Variants in ABHD2 observed in about 807,000 individuals in gnomAD.
ABHD2 encodes the protein monoacylglycerol lipase ABHD2.
In ABHD2, 20 loss-of-function variants were observed where a neutral mutation model predicts 48.1. The ratio of observed to expected loss-of-function variants is 0.42; its 90% CI spans 0.29 to 0.60. ABHD2 has a LOEUF of 0.60. Ranked by LOEUF, ABHD2 falls within the 20% of genes least tolerant of loss-of-function variation. ABHD2 has a pLI of 0.24. For synonymous variants in ABHD2, 209 were observed against 214.2 expected (o/e 0.98, Z 0.21); for missense variants, 405 against 550.9 (o/e 0.74, Z 2.65).
In ABHD2 at chr15:89,179,415, G is replaced by A. The variant is rs560097446; in HGVS notation, c.722+3420G>A. On this transcript the variant is annotated intron_variant, in intron 6 of 10. Coordinates refer to ENST00000352732, the MANE Select transcript of ABHD2 (RefSeq NM_152924.5). This position sits in a 1 kb window ranked among gnomAD's most constrained non-coding sequence, Gnocchi z 4.3. ...CAGCAGTGACATTAGATTCTCATAG[G>A]AGGATGAACCTTATTGTGAACTGCG... Among the ~76,000 whole-genome samples the A allele has an allele frequency of 2.6e-5, 4 of 152,316 alleles. No homozygotes were observed. The East Asian group carries it at 7.7e-4, about 29-fold the overall frequency.
At chr15:89,183,987 G>A (rs1189582101) in intron 6 of ABHD2, among the ~76,000 whole-genome samples, 5 of 152,094 alleles carry the variant, frequency 3.3e-5, no homozygotes, top group African/African-American at 4.8e-5. Flanking sequence ...CTTTAGCCGG[G>A]GTCCCTCATG....
intron 5 of ABHD2, among the ~76,000 whole-genome samples, chr15:89,157,608 C>G (rs912872354): frequency 3.3e-5 from 5 of 152,144 alleles, no homozygotes; most frequent in African/African-American, 1.2e-4. Context: ...CTTTGGGAGG[C>G]CAAGGCAGGC....
At position 89,092,827 on chromosome 15, in the gene ABHD2, C is replaced by T. The variant is rs898426418; in HGVS notation, c.-107+4264C>T. Among the ~76,000 whole-genome samples, 14 of 152,108 alleles carry T rather than the reference C, an allele frequency of 9.2e-5. No homozygotes were observed. The highest frequency in any genetic ancestry group is 3.4e-4 in the African/African-American group (14 of 41,414). ...CTTCCACGTCATTTTTTATGAAGGC[C>T]GTCTATTTTAGATATCTGTTTTCTG... On this transcript the variant is annotated intron_variant, in intron 1 of 10. Transcript: ENST00000352732. This position sits in a 1 kb window ranked among gnomAD's most constrained non-coding sequence, Gnocchi z 4.4.
At chr15:89,161,844 G>C (rs971782581) in intron 5 of ABHD2, among the ~76,000 whole-genome samples, 1 of 152,224 alleles carries the variant, frequency 6.6e-6, no homozygotes, top group South Asian at 2.1e-4. Context: ...CACAGTGGGC[G>C]TGGCTTATAC....
chr15:89,045,086 G>T, the ABHD2 span, among the ~76,000 whole-genome samples: 2 of 152,178 alleles, frequency 1.3e-5, no homozygotes, highest in African/African-American at 2.4e-5. Flanking sequence ...TTTGTATAAG[G>T]TGTAAGGAAG....
Position 89,185,953 on chromosome 15 carries a change from C to T in ABHD2, c.815+437C>T, listed in dbSNP as rs750126569. On this transcript the variant is annotated intron_variant, in intron 7 of 10. Transcript: ENST00000352732. The surrounding 1 kb of genome is among the most constrained non-coding windows in gnomAD (Gnocchi z 5.9). Reference sequence around the variant, plus strand: ...ATGCACCCCAGCCTGGGTGACAGAGCGAGACCCTGTCTGAAAAAAAAGAAA... The same window carrying T: ...ATGCACCCCAGCCTGGGTGACAGAGTGAGACCCTGTCTGAAAAAAAAGAAA... Among the ~76,000 whole-genome samples, 1 of 152,168 alleles carries T rather than the reference C, an allele frequency of 6.6e-6. No homozygotes were observed. The highest frequency in any genetic ancestry group is 1.5e-5 in the Non-Finnish European group (1 of 68,032).
intron 9 of ABHD2, among the ~76,000 whole-genome samples, chr15:89,192,499 TTTTTC>T (rs1367528983): frequency 3.9e-5 from 6 of 151,930 alleles, no homozygotes; most frequent in East Asian, 1.9e-4. Context: ...CTTCAGATTC[TTTTTC>T]TTTTCTTTTT....
chr15:89,195,173 T>C lies in ABHD2; in HGVS notation c.1082-54T>C. 1 of 1,574,118 alleles carries C rather than the reference T, an allele frequency of 6.4e-7. No individual in the cohort carries two copies. Among genetic ancestry groups the C allele is most frequent in the Non-Finnish European group, 8.6e-7 (1 of 1,158,098 alleles). On this transcript the variant is annotated intron_variant, in intron 10 of 10. Coordinates refer to ENST00000352732, the MANE Select transcript of ABHD2 (RefSeq NM_152924.5). This position sits in a 1 kb window ranked among gnomAD's most constrained non-coding sequence, Gnocchi z 5.1. ...CTAGCCAGCTCACCTCTGCACCTCC[T>C]GTCCTGGAGCAAACTAGAGAACAGT...
chr15:89,154,195 T>C (rs1299812483), intron 4 of ABHD2, among the ~76,000 whole-genome samples: 1 of 152,150 alleles, frequency 6.6e-6, no homozygotes, highest in African/African-American at 2.4e-5. Flanking sequence ...CAAACGATCC[T>C]CCTGCCTCAG....
At chr15:89,131,405 A>G (rs566261003) in intron 3 of ABHD2, among the ~76,000 whole-genome samples, 5 of 152,312 alleles carry the variant, frequency 3.3e-5, no homozygotes, top group Admixed American at 6.5e-5. Flanking sequence ...CTGGACATTT[A>G]TGGTTCTCTT....
chr15:89,127,724 T>TATATGTATATATATATATATATATATAC (rs2050155600), intron 3 of ABHD2, among the ~76,000 whole-genome samples: 1 of 70,714 alleles, frequency 1.4e-5, no homozygotes, highest in African/African-American at 4.8e-5. Flanking sequence ...TATATACACA[T>TATATGTATATATATATATATATATATAC]ATATATATAT....
chr15:89,078,725 C>CTTTTTTTTT, the ABHD2 span, among the ~76,000 whole-genome samples: 3 of 143,676 alleles, frequency 2.1e-5, no homozygotes, highest in Non-Finnish European at 3.0e-5. Context: ...ACAATGTAGG[C>CTTTTTTTTT]TTTTTTTTTT....
rs1401909095 is a variant in ABHD2, at chr15:89,182,826, C to T, written c.723-2598C>T. Among the ~76,000 whole-genome samples the T allele has an allele frequency of 6.6e-6, 1 of 152,040 alleles. No individual in the cohort carries two copies. The highest frequency in any genetic ancestry group is 1.5e-5 in the Non-Finnish European group (1 of 67,990). ...AAAACAAAAAAAGAACTTGGATAGG[C>T]AAGTAAGGTATTTGTGCAGTGTCTA... On this transcript the variant is annotated intron_variant, in intron 6 of 10. Coordinates refer to ENST00000352732, the MANE Select transcript of ABHD2 (RefSeq NM_152924.5). This position sits in a 1 kb window ranked among gnomAD's most constrained non-coding sequence, Gnocchi z 4.8.
Position 89,189,179 on chromosome 15 carries a change from C to A in ABHD2, c.926+876C>A, listed in dbSNP as rs1426315916. ...TCATCATTCTCTTTAAATACGTGAT[C>A]CTTTTCATTTAACAATCATTTGAGG... is the stretch of plus-strand genomic sequence containing the variant. On this transcript the variant is annotated intron_variant, in intron 8 of 10. Coordinates refer to ENST00000352732, the MANE Select transcript of ABHD2 (RefSeq NM_152924.5). This position sits in a 1 kb window ranked among gnomAD's most constrained non-coding sequence, Gnocchi z 4.9. 6.6e-6 allele frequency among the ~76,000 whole-genome samples: 1 copy of A among 152,168 alleles called. No homozygotes were observed. Among genetic ancestry groups the A allele is most frequent in the Non-Finnish European group, 1.5e-5 (1 of 68,030 alleles).
At chr15:89,158,542 C>T (rs2050711165) in intron 5 of ABHD2, among the ~76,000 whole-genome samples, 1 of 152,198 alleles carries the variant, frequency 6.6e-6, no homozygotes, top group Non-Finnish European at 1.5e-5. Context: ...TCCGATGCCC[C>T]AGCACTGCCA....
chr15:89,117,218 G>T (rs919039016), intron 3 of ABHD2, among the ~76,000 whole-genome samples: 1 of 152,156 alleles, frequency 6.6e-6, no homozygotes, highest in Admixed American at 6.5e-5. Flanking sequence ...TAGAGACGGG[G>T]TTTCGCCATG....
At chr15:89,131,212 C>T (rs1246466738) in intron 3 of ABHD2, among the ~76,000 whole-genome samples, 2 of 152,218 alleles carry the variant, frequency 1.3e-5, no homozygotes, top group African/African-American at 4.8e-5. Context: ...TCAGCCCTCG[C>T]TCCTTCTTCC....
intron 3 of ABHD2, among the ~76,000 whole-genome samples, chr15:89,126,712 C>T (rs2050135765): frequency 6.6e-6 from 1 of 152,134 alleles, no homozygotes; most frequent in Non-Finnish European, 1.5e-5. Context: ...CTCTCAGTGC[C>T]AGTGTCATGC....
chr15:89,172,704 A>C (rs551441176), intron 5 of ABHD2, among the ~76,000 whole-genome samples: 8 of 152,236 alleles, frequency 5.3e-5, no homozygotes, highest in Non-Finnish European at 7.3e-5. Flanking sequence ...CTTTATTCAC[A>C]TCTCTAAACA....
Sources: allele counts gnomAD v4.1 joint callset (sites outside exome capture counted in the v4.1 genomes callset), GRCh38; gene constraint gnomAD v4.1.1; non-coding constraint Gnocchi (gnomAD v3.1); transcripts MANE v1.5; gene names NCBI Gene and HGNC (gene_info 2026-07-23, HGNC 2026-07-21).